BMP6: variants seen among roughly 807,000 people sequenced by gnomAD.
BMP6 encodes VG-1-R.
Under a neutral mutation model 54.1 loss-of-function variants are expected in BMP6, and 17 were observed. The observed-to-expected ratio is 0.31, with a 90% CI of 0.22 to 0.47. BMP6 has a LOEUF of 0.47. BMP6 is among the 20% of genes least tolerant of loss of function. The pLI is 1.00. For missense variants in BMP6, 720 were observed against 690.4 expected (o/e 1.04, Z -0.48); for synonymous variants, 328 against 291.2 (o/e 1.13, Z -1.28).
intron 1 of BMP6, among the ~76,000 whole-genome samples, chr6:7,779,045 G>T (rs965003204): frequency 6.6e-6 from 1 of 152,218 alleles, no homozygotes; most frequent in Non-Finnish European, 1.5e-5. Context: ...GTTGCATTAG[G>T]TGTGCCATAC....
At position 7,800,689 on chromosome 6, in the gene BMP6, G is replaced by T. The variant is rs187733542; in HGVS notation, c.665-44451G>T. On this transcript the variant is annotated intron_variant, in intron 1 of 6. Coordinates refer to ENST00000283147, the MANE Select transcript of BMP6 (RefSeq NM_001718.6). ...TATATTTACTTCTAGTTATCCTGGGGTTCCTTTTATTATTCTGTCTTATTT... is the reference window on the plus strand; with the variant it reads ...TATATTTACTTCTAGTTATCCTGGGTTTCCTTTTATTATTCTGTCTTATTT... 7.9e-3 allele frequency among the ~76,000 whole-genome samples: 1,210 copies of T among 152,208 alleles called. 46 individuals are homozygous for T. Among genetic ancestry groups the T allele is most frequent in the Admixed American group, 0.07 (1,064 of 15,284 alleles).
At chr6:7,746,360 TTTGGGAGATATTCC>T (rs1757346876) in intron 1 of BMP6, among the ~76,000 whole-genome samples, 1 of 152,194 alleles carries the variant, frequency 6.6e-6, no homozygotes, top group African/African-American at 2.4e-5. Flanking sequence ...TGATGTGTGC[TTTGGGAGATATTCC>T]TGGCTGCAGT....
chr6:7,762,665 A>G (rs1361085561), intron 1 of BMP6, among the ~76,000 whole-genome samples: 5 of 152,228 alleles, frequency 3.3e-5, no homozygotes, highest in Non-Finnish European at 7.3e-5. Flanking sequence ...ACATAATTGC[A>G]TCTGTAACAA....
chr6:7,743,612 G>T lies in BMP6; in HGVS notation c.664+15993G>T, dbSNP rs567152820. ...CTCTCTCATTGAACGTGATGTTTTCGTGGCCCCTTGGTGCTTGAGACCTGG... is the reference window on the plus strand; with the variant it reads ...CTCTCTCATTGAACGTGATGTTTTCTTGGCCCCTTGGTGCTTGAGACCTGG... On this transcript the variant is annotated intron_variant, in intron 1 of 6. Transcript: ENST00000283147. 5.8e-4 allele frequency among the ~76,000 whole-genome samples: 88 copies of T among 152,168 alleles called. 1 individual carries two copies. Among genetic ancestry groups the T allele is most frequent in the African/African-American group, 2.1e-3 (87 of 41,508 alleles).
chr6:7,827,253 CA>C (rs910713606), intron 1 of BMP6, among the ~76,000 whole-genome samples: 1 of 152,212 alleles, frequency 6.6e-6, no homozygotes, highest in African/African-American at 2.4e-5. Flanking sequence ...TGCTGCGCTT[CA>C]GGGGAAAACA....
intron 1 of BMP6, among the ~76,000 whole-genome samples, chr6:7,813,108 A>AAAAAATATAT (rs1554122651): frequency 9.3e-5 from 2 of 21,496 alleles, no homozygotes; most frequent in Non-Finnish European, 1.5e-4. Flanking sequence ...AAAAAAAAAA[A>AAAAAATATAT]ATATATATAT....
chr6:7,755,270 T>C (rs1214463180), intron 1 of BMP6, among the ~76,000 whole-genome samples: 3 of 152,214 alleles, frequency 2.0e-5, no homozygotes, highest in African/African-American at 7.2e-5. Flanking sequence ...CCCCCCTTTT[T>C]CTGCCTTCTT....
intron 1 of BMP6, among the ~76,000 whole-genome samples, chr6:7,826,420 G>A (rs1266826024): frequency 6.6e-6 from 1 of 152,210 alleles, no homozygotes; most frequent in African/African-American, 2.4e-5. Context: ...GGGGCCTGGG[G>A]AAGTGCCTTT....
At chr6:7,832,400 C>T (rs1758806783) in intron 1 of BMP6, among the ~76,000 whole-genome samples, 1 of 152,104 alleles carries the variant, frequency 6.6e-6, no homozygotes. Context: ...CTGCTTCCAC[C>T]ATGTGAGGGC....
chr6:7,862,544 CAGTG>C (rs1383888320), intron 4 of BMP6, 46 bp downstream of exon 4: 9 of 1,605,730 alleles, frequency 5.6e-6, no homozygotes, highest in East Asian at 4.5e-5. Flanking sequence ...TTGTTGGCCT[CAGTG>C]AGAACAAAAG....
chr6:7,829,524 T>C (rs1237369194), intron 1 of BMP6, among the ~76,000 whole-genome samples: 2 of 152,090 alleles, frequency 1.3e-5, no homozygotes, highest in African/African-American at 4.8e-5. Flanking sequence ...GGCAATGTAG[T>C]GGGACCCCAT....
intron 4 of BMP6, among the ~76,000 whole-genome samples, chr6:7,869,381 T>TA (rs1343560757): frequency 6.6e-6 from 1 of 152,222 alleles, no homozygotes; most frequent in Non-Finnish European, 1.5e-5. Context: ...GAGGGCCAGA[T>TA]AAAAAGGATG....
chr6:7,787,469 CA>C (rs1001703726), intron 1 of BMP6, among the ~76,000 whole-genome samples: 1 of 152,178 alleles, frequency 6.6e-6, no homozygotes, highest in Non-Finnish European at 1.5e-5. Flanking sequence ...GGATTTTTCC[CA>C]TTCATGTACT....
chr6:7,872,196 C>T (rs1357804309), intron 4 of BMP6, among the ~76,000 whole-genome samples: 1 of 152,068 alleles, frequency 6.6e-6, no homozygotes, highest in African/African-American at 2.4e-5. Flanking sequence ...ACATACATTT[C>T]CACTGGCCCT....
At chr6:7,739,959 T>C (rs1399294965) in intron 1 of BMP6, among the ~76,000 whole-genome samples, 1 of 152,238 alleles carries the variant, frequency 6.6e-6, no homozygotes, top group East Asian at 1.9e-4. Flanking sequence ...TGAAGACTGC[T>C]GCTGTATTTG....
chr6:7,851,891 A>G (rs1759147829), intron 2 of BMP6, among the ~76,000 whole-genome samples: 1 of 152,038 alleles, frequency 6.6e-6, no homozygotes, highest in Non-Finnish European at 1.5e-5. Flanking sequence ...ATGTTAAACT[A>G]ACCTCATATC....
At chr6:7,804,637 C>A (rs887310511) in intron 1 of BMP6, among the ~76,000 whole-genome samples, 2 of 152,186 alleles carry the variant, frequency 1.3e-5, no homozygotes, top group African/African-American at 4.8e-5. Context: ...TTCATTCATT[C>A]ATTTAGCAAA....
Position 7,777,879 on chromosome 6 carries a change from C to T in BMP6, c.664+50260C>T, listed in dbSNP as rs996985528. 4.8e-4 allele frequency among the ~76,000 whole-genome samples: 73 copies of T among 152,140 alleles called. 1 individual carries two copies. Among genetic ancestry groups the T allele is most frequent in the African/African-American group, 1.6e-3 (67 of 41,508 alleles). On this transcript the variant is annotated intron_variant, in intron 1 of 6. Transcript: ENST00000283147. ...AGCGACAAACACTCTTTAGAGCCCC[C>T]GTCCGGGACACCACTGTATACATTA...
intron 1 of BMP6, among the ~76,000 whole-genome samples, chr6:7,842,405 G>A (rs753229754): frequency 1.3e-5 from 2 of 151,704 alleles, no homozygotes; most frequent in South Asian, 2.1e-4. Flanking sequence ...CCCCATCTCT[G>A]TTCTCCTCTC....
Sources: gnomAD v4.1 joint callset for allele counts (sites outside exome capture counted in the v4.1 genomes callset) on GRCh38, gnomAD v4.1.1 for gene constraint, MANE v1.5 for transcripts, NCBI Gene and HGNC (gene_info 2026-07-23, HGNC 2026-07-21) for gene names.